Variants in DBH observed in about 807,000 individuals in gnomAD.
DBH encodes the protein dopamine beta-hydroxylase.
A neutral mutation model predicts 64.0 loss-of-function variants in DBH; 49 were observed. The ratio of observed to expected loss-of-function variants is 0.77; its 90% CI spans 0.61 to 0.97. DBH has a LOEUF of 0.97. Ranked by LOEUF, DBH falls within the 50% of genes least tolerant of loss-of-function variation. The pLI is 0.00. For missense variants in DBH, 828 were observed against 826.6 expected (o/e 1.00, Z -0.02); for synonymous variants, 343 against 347.1 (o/e 0.99, Z 0.13).
At chr9:133,638,304 C>T (rs937359818) in intron 1 of DBH, among the ~76,000 whole-genome samples, 4 of 152,370 alleles carry the variant, frequency 2.6e-5, no homozygotes, top group Admixed American at 1.3e-4. Context: ...AGCGGTGTCC[C>T]CAGCGGGGTT....
chr9:133,646,966 G>A (rs1486191788), intron 5 of DBH, among the ~76,000 whole-genome samples: 2 of 152,190 alleles, frequency 1.3e-5, no homozygotes, highest in African/African-American at 4.8e-5. Context: ...TCCGTGACTC[G>A]AAGAAGCACC....
chr9:133,649,433 AGTCT>A (rs1832219460), intron 6 of DBH, among the ~76,000 whole-genome samples: 3 of 152,262 alleles, frequency 2.0e-5, no homozygotes, highest in Non-Finnish European at 4.4e-5. Flanking sequence ...TTCAAATACC[AGTCT>A]GTCTGACTTT....
intron 1 of DBH, among the ~76,000 whole-genome samples, chr9:133,638,115 T>TA (rs1832074025): frequency 6.6e-6 from 1 of 152,218 alleles, no homozygotes; most frequent in African/African-American, 2.4e-5. Flanking sequence ...GGAAGCCAGG[T>TA]GACTTTGCCT....
chr9:133,638,696 GT>G (rs973820464), intron 1 of DBH, among the ~76,000 whole-genome samples: 3 of 152,170 alleles, frequency 2.0e-5, no homozygotes, highest in African/African-American at 4.8e-5. Context: ...TCTCACACAC[GT>G]GTGAATGTTG....
intron 1 of DBH, 124 bp from the exon 2 acceptor site, chr9:133,639,722 G>A: frequency 9.5e-7 from 1 of 1,055,920 alleles, no homozygotes; most frequent in Non-Finnish European, 1.4e-6. Context: ...CACAGGGACT[G>A]AGGCCCAGCA....
chr9:133,642,446 T>C lies in DBH; in HGVS notation c.726T>C (p.Ser242=), dbSNP rs369068526. The C allele has an allele frequency of 1.1e-5, 17 of 1,611,386 alleles. No individual in the cohort carries two copies. The highest frequency in any genetic ancestry group is 1.4e-5 in the Non-Finnish European group (16 of 1,178,862). ...CYIKELPKGF[S]RHHIIKYEPI... Reference sequence around the variant, plus strand: ...TTAAGGAGCTTCCAAAGGGCTTCTCTCGGCACCACATTATCAAGGTACGTG... The same window carrying C: ...TTAAGGAGCTTCCAAAGGGCTTCTCCCGGCACCACATTATCAAGGTACGTG... Residue 242 remains serine (S), a synonymous_variant, in exon 3 of 12, where the codon TCT becomes TCC. Coordinates refer to ENST00000393056, the MANE Select transcript of DBH (RefSeq NM_000787.4).
At chr9:133,658,294 C>T in intron 11 of DBH, 22 bp from the exon 12 acceptor site, 1 of 1,611,994 alleles carries the variant, frequency 6.2e-7, no homozygotes, top group Non-Finnish European at 8.5e-7. Context: ...CCTCAGTTTA[C>T]CTCCTGCCCC....
rs2519152 is a variant in DBH, at chr9:133,644,512, T to C, written c.1024+192T>C. Among the ~76,000 whole-genome samples, 60,006 of 152,128 alleles carry C rather than the reference T, an allele frequency of 0.39. 12,366 individuals are homozygous for C. Among genetic ancestry groups the C allele is most frequent in the Non-Finnish European group, 0.47 (31,900 of 67,954 alleles). On this transcript the variant is annotated intron_variant, in intron 5 of 11. Coordinates refer to ENST00000393056, the MANE Select transcript of DBH (RefSeq NM_000787.4). ...GTGGTGGGCTCCCAGGGACAGGACC[T>C]CGAGGGGCTCACTCCTCACAGCTTC...
At chr9:133,644,188 C>G (rs762649573) in intron 4 of DBH, 30 bp from the exon 5 acceptor site, 1 of 1,558,118 alleles carries the variant, frequency 6.4e-7, no homozygotes, top group South Asian at 1.1e-5. Context: ...TCAGGACACA[C>G]CCGTCTGTCT....
At chr9:133,644,944 TGCACACAC>T (rs1564210185) in intron 5 of DBH, among the ~76,000 whole-genome samples, 3 of 119,516 alleles carry the variant, frequency 2.5e-5, no homozygotes, top group Non-Finnish European at 5.7e-5. Context: ...ACGCACACAA[TGCACACAC>T]ACACGCACAC....
rs191392131 is a variant in DBH at position 133,651,534 on chromosome 9, C to T, written c.1192-100C>T. ...AGAAAATGCAAGTGTTCCAGGGAAG[C>T]AAACTGCCCAGGGTGGCTGCTCCCT... is the stretch of plus-strand genomic sequence containing the variant. On this transcript the variant is annotated intron_variant, in intron 6 of 11. Transcript: ENST00000393056. 177 of 1,490,122 alleles carry T rather than the reference C, an allele frequency of 1.2e-4. No homozygotes were observed. In the African/African-American group the frequency reaches 2.2e-3, roughly 18 times the overall value. 92.3% of individuals were successfully genotyped at this position (1,490,122 alleles called of 1,614,324 possible).
chr9:133,658,360 G>A lies in DBH; in HGVS notation c.1767G>A (p.Leu589=). The change falls in exon 12 of 12, where the codon CTG becomes CTA. Residue 589 remains leucine, a synonymous_variant. Transcript: ENST00000393056. ...LQPLPKVIST[L]EEPTPQCPTS... ...CCCTGCCCAAGGTCATCTCCACACT[G>A]GAAGAGCCCACCCCACAGTGCCCCA... The A allele has an allele frequency of 6.2e-7, 1 of 1,613,906 alleles. No homozygotes were observed. The highest frequency in any genetic ancestry group is 1.3e-5 in the African/African-American group (1 of 75,016).
At position 133,644,499 on chromosome 9, in the gene DBH, C is replaced by T. The variant is rs3025402; in HGVS notation, c.1024+179C>T. Among the ~76,000 whole-genome samples, 4,631 of 152,312 alleles carry T rather than the reference C, an allele frequency of 0.03. 124 individuals are homozygous for T. The highest frequency in any genetic ancestry group is 0.066 in the African/African-American group (2,742 of 41,564). ...ATCTTCCATGGCTGTGGTGGGCTCCCAGGGACAGGACCTCGAGGGGCTCAC... is the reference window on the plus strand; with the variant it reads ...ATCTTCCATGGCTGTGGTGGGCTCCTAGGGACAGGACCTCGAGGGGCTCAC... On this transcript the variant is annotated intron_variant, in intron 5 of 11. Transcript: ENST00000393056.
intron 1 of DBH, among the ~76,000 whole-genome samples, chr9:133,637,504 A>C (rs1031718599): frequency 1.3e-5 from 2 of 152,184 alleles, no homozygotes; most frequent in South Asian, 2.1e-4. Flanking sequence ...GATGAAACCC[A>C]ACTCTCTCCA....
rs111514228 is a variant in DBH, at chr9:133,636,387, C to G, written c.16C>G (p.Arg6Gly). Residue 6 changes from arginine (R) to glycine (G), a missense_variant, in exon 1 of 12, where the codon CGC (arginine) becomes GGC (glycine). Transcript: ENST00000393056. ...CACCCCAGCCATGCCCGCCCTCAGT[C>G]GCTGGGCCAGCCTGCCCGGCCCCAG... is the stretch of plus-strand genomic sequence containing the variant. MPALS[R>G]WASLPGPSMR... The G allele has an allele frequency of 5.0e-6, 8 of 1,610,128 alleles. No homozygotes were observed. Among genetic ancestry groups the G allele is most frequent in the East Asian group, 4.5e-5 (2 of 44,876 alleles).
intron 6 of DBH, among the ~76,000 whole-genome samples, chr9:133,650,678 G>C (rs1034088500): frequency 3.3e-5 from 5 of 151,418 alleles, no homozygotes; most frequent in African/African-American, 1.2e-4. Context: ...CTCCTGAGTA[G>C]CTGGGATTAC....
chr9:133,639,226 CAAAAAAAAAAA>C (rs60989647), intron 1 of DBH, among the ~76,000 whole-genome samples: 2 of 132,018 alleles, frequency 1.5e-5, no homozygotes, highest in Non-Finnish European at 3.2e-5. Context: ...GACCCTATCT[CAAAAAAAAAAA>C]AAAAAAAATC....
Position 133,642,473 on chromosome 9 carries a change from G to A in DBH, c.744+9G>A, listed in dbSNP as rs771492239. On this transcript the variant is annotated intron_variant, in intron 3 of 11. Coordinates refer to ENST00000393056, the MANE Select transcript of DBH (RefSeq NM_000787.4). ...GGCACCACATTATCAAGGTACGTGC[G>A]GGTCCAGGGCCGAGGTCCTCGCCCA... 2.3e-5 allele frequency: 37 copies of A among 1,600,610 alleles called. No homozygotes were observed. In the South Asian group the frequency reaches 2.9e-4, roughly 13 times the overall value.
rs762809700 is a variant in DBH at position 133,656,666 on chromosome 9, A to C, written c.1562+16A>C. The C allele has an allele frequency of 1.2e-6, 2 of 1,610,458 alleles. No individual in the cohort carries two copies. The highest frequency in any genetic ancestry group is 2.7e-5 in the African/African-American group (2 of 74,820). Reference sequence around the variant, plus strand: ...TCATCAACAGGTGAGGGCTCCCTGCACAAGCTCCCTGCCCCCAGGGAACCC... The same window carrying C: ...TCATCAACAGGTGAGGGCTCCCTGCCCAAGCTCCCTGCCCCCAGGGAACCC... On this transcript the variant is annotated intron_variant, in intron 10 of 11. Coordinates refer to ENST00000393056, the MANE Select transcript of DBH (RefSeq NM_000787.4).
Sources: allele counts gnomAD v4.1 joint callset (sites outside exome capture counted in the v4.1 genomes callset), GRCh38; gene constraint gnomAD v4.1.1; transcripts MANE v1.5; gene names NCBI Gene and HGNC (gene_info 2026-07-23, HGNC 2026-07-21).